ASMTL: variants seen among roughly 807,000 people sequenced by gnomAD.
ASMTL encodes the protein probable bifunctional dTTP/UTP pyrophosphatase/methyltransferase protein.
In ASMTL, 57 loss-of-function variants were observed where a neutral mutation model predicts 60.3. The observed-to-expected ratio is 0.95, with a 90% CI of 0.76 to 1.18. The LOEUF (loss-of-function observed/expected upper bound fraction) is 1.18. ASMTL is among the 50% of genes most tolerant of loss of function. The pLI is 0.00. For synonymous variants in ASMTL, 419 were observed against 373.0 expected (o/e 1.12, Z -1.42); for missense variants, 981 against 852.6 (o/e 1.15, Z -1.88).
intron 1 of ASMTL, among the ~76,000 whole-genome samples, chrX:1,450,397 A>G (rs73623909): frequency 0.02 from 2,980 of 151,032 alleles, 93 homozygotes; most frequent in African/African-American, 0.069. Context: ...CACCTCCCCA[A>G]TCCCTAGGGG....
intron 1 of ASMTL, among the ~76,000 whole-genome samples, chrX:1,448,326 C>T (rs1303529068): frequency 6.6e-6 from 1 of 150,908 alleles, no homozygotes; most frequent in African/African-American, 2.4e-5. Context: ...TGGACACACA[C>T]CATCTGGGAC....
chrX:1,405,694 TAG>T (rs1224369740), intron 12 of ASMTL, among the ~76,000 whole-genome samples: 2 of 150,698 alleles, frequency 1.3e-5, no homozygotes, highest in Non-Finnish European at 3.0e-5. Flanking sequence ...GATGGGCAGG[TAG>T]ATAGATGAAT....
chrX:1,452,295 G>A (rs1372975632), intron 1 of ASMTL, among the ~76,000 whole-genome samples: 1 of 143,386 alleles, frequency 7.0e-6, no homozygotes, highest in Non-Finnish European at 1.5e-5. Flanking sequence ...GGGGGGTCTC[G>A]GCTTACTCTC....
chrX:1,421,800 T>A lies in ASMTL; in HGVS notation c.1103A>T (p.Asp368Val), dbSNP rs752017524. The A allele has an allele frequency of 6.2e-7, 1 of 1,613,820 alleles. No individual in the cohort carries two copies. Residue 368 changes from aspartate to valine, a missense_variant, in exon 9 of 13, where the codon GAT becomes GTT. By Grantham distance (152) the Asp-to-Val change is radical. Transcript: ENST00000381317. ...GAAGCCGTGCAGAGAGTATTCGCCA[T>A]CCGATGCCAGGTAGACGTTCGCTGT... is the stretch of plus-strand genomic sequence containing the variant. ...TETANVYLAS[D>V]GEYSLHGFIM...
intron 9 of ASMTL, among the ~76,000 whole-genome samples, chrX:1,421,278 T>C (rs1476399764): frequency 6.6e-6 from 1 of 152,052 alleles, no homozygotes; most frequent in Non-Finnish European, 1.5e-5. Context: ...ACTGTTAATT[T>C]TTTGTAGAGA....
intron 12 of ASMTL, among the ~76,000 whole-genome samples, chrX:1,410,437 C>T (rs1163896714): frequency 2.0e-5 from 3 of 150,744 alleles, no homozygotes; most frequent in Middle Eastern, 3.4e-3. Flanking sequence ...TTTTCTGAGA[C>T]GGAGTCTTGC....
intron 1 of ASMTL, among the ~76,000 whole-genome samples, chrX:1,452,089 T>C (rs1466779691): frequency 1.3e-4 from 17 of 127,954 alleles, no homozygotes; most frequent in Admixed American, 7.7e-5. Context: ...CCCGGGTTAC[T>C]CTCCCCTCCC....
chrX:1,432,388 A>G lies in ASMTL; in HGVS notation c.401-11T>C, dbSNP rs761947281. ...TGTCCAGCTGATGGTCTGCAAGGAC[A>G]CAGCCGTGGGGGTGAGCGTGGACGC... On this transcript the variant is annotated splice_polypyrimidine_tract_variant and intron_variant, in intron 5 of 12. Transcript: ENST00000381317. 2.5e-6 allele frequency: 4 copies of G among 1,608,974 alleles called. No homozygotes were observed. The South Asian group carries it at 4.4e-5, about 18-fold the overall frequency.
intron 12 of ASMTL, among the ~76,000 whole-genome samples, chrX:1,405,151 G>A (rs1446207560): frequency 6.5e-5 from 9 of 138,450 alleles, no homozygotes; most frequent in Middle Eastern, 5.0e-3. Context: ...GAATAGATGG[G>A]TGCATGGATG....
chrX:1,444,299 C>T (rs1159876884), intron 1 of ASMTL, among the ~76,000 whole-genome samples: 1 of 151,720 alleles, frequency 6.6e-6, no homozygotes, highest in African/African-American at 2.4e-5. Flanking sequence ...AGCTCCATCT[C>T]CCAGGATCAA....
chrX:1,439,241 C>T (rs375702189), intron 2 of ASMTL, 97 bp from the exon 3 acceptor site: 18 of 1,301,114 alleles, frequency 1.4e-5, no homozygotes, highest in Non-Finnish European at 1.3e-5. Context: ...ACCGCAGGGG[C>T]GAAGCCAGGC....
At position 1,421,509 on chromosome X, in the gene ASMTL, G is replaced by A. The variant is rs186980879; in HGVS notation, c.1245+149C>T. The A allele has an allele frequency of 1.0e-4, 80 of 778,124 alleles. No individual in the cohort carries two copies. The African/African-American group carries it at 1.3e-3, about 13-fold the overall frequency. 48.2% of individuals were successfully genotyped at this position (778,124 alleles called of 1,614,324 possible). On this transcript the variant is annotated intron_variant, in intron 9 of 12. Transcript: ENST00000381317. Reference sequence around the variant, plus strand: ...AGGGCTGAGTGACACAAGAGCCACGGCACTAAGTTCTCCAGGCAGAACGAG... The same window carrying A: ...AGGGCTGAGTGACACAAGAGCCACGACACTAAGTTCTCCAGGCAGAACGAG...
intron 11 of ASMTL, among the ~76,000 whole-genome samples, chrX:1,416,900 G>C (rs1298216688): frequency 6.7e-6 from 1 of 149,340 alleles, no homozygotes; most frequent in Non-Finnish European, 1.5e-5. Context: ...CATACCCTCA[G>C]AGACATACAC....
intron 3 of ASMTL, among the ~76,000 whole-genome samples, chrX:1,438,567 G>A (rs1386437866): frequency 3.9e-5 from 6 of 152,178 alleles, no homozygotes; most frequent in Admixed American, 1.3e-4. Context: ...AGGCTGGAGT[G>A]CAGTGGCGCG....
At chrX:1,439,614 AGG>A (rs1214979398) in intron 2 of ASMTL, among the ~76,000 whole-genome samples, 1 of 152,122 alleles carries the variant, frequency 6.6e-6, no homozygotes, top group African/African-American at 2.4e-5. Context: ...TGGGAGGCCG[AGG>A]CGGGCGCATC....
rs117558934 is a variant in ASMTL at position 1,432,131 on chromosome X, C to T, written c.509+138G>A. ...TCGTGAAGGGTTTGTGCTTCTGAGC[C>T]GGGCGGCTCTCCCTGTGCCACACGG... On this transcript the variant is annotated intron_variant, in intron 6 of 12. Coordinates refer to ENST00000381317, the MANE Select transcript of ASMTL (RefSeq NM_004192.4). The T allele has an allele frequency of 6.4e-3, 4,319 of 674,042 alleles. 75 individuals carry two copies. Among genetic ancestry groups the T allele is most frequent in the African/African-American group, 0.038 (2,102 of 55,240 alleles). The allele number at this position is 674,042 out of a possible 1,614,324, so 41.8% of individuals were successfully genotyped here. A position where few individuals can be genotyped will look rare whatever the true frequency, so the allele number is the denominator to read the frequency against.
At chrX:1,444,247 G>A (rs1211276937) in intron 1 of ASMTL, among the ~76,000 whole-genome samples, 4 of 144,292 alleles carry the variant, frequency 2.8e-5, no homozygotes, top group African/African-American at 5.2e-5. Context: ...TCGCTGTGTC[G>A]CCCAGGCTGG....
chrX:1,419,318 C>G (rs1179657836), intron 9 of ASMTL: 1 of 171,134 alleles, frequency 5.8e-6, no homozygotes, highest in Non-Finnish European at 1.2e-5. Context: ...ACAGAGGACC[C>G]CAAAGTGGTG....
chrX:1,436,192 G>C (rs6644941), intron 3 of ASMTL, among the ~76,000 whole-genome samples: 27,856 of 151,996 alleles, frequency 0.18, 3,121 homozygotes, highest in Middle Eastern at 0.32. Flanking sequence ...TCCTTTTCTT[G>C]AGATGGAGTC....
Sources: gnomAD v4.1 joint callset for allele counts (sites outside exome capture counted in the v4.1 genomes callset) on GRCh38, gnomAD v4.1.1 for gene constraint, MANE v1.5 for transcripts, NCBI Gene and HGNC (gene_info 2026-07-23, HGNC 2026-07-21) for gene names.